Variants in LRRC28 observed in about 807,000 individuals in gnomAD.
LRRC28 encodes leucine-rich repeat-containing protein 28.
LRRC28 carries 39 observed loss-of-function variants against 45.7 expected under a neutral mutation model. The ratio of observed to expected loss-of-function variants is 0.85; its 90% CI spans 0.66 to 1.12. LRRC28 has a LOEUF of 1.12. Among genes scored for constraint, LRRC28 ranks in the 50% most tolerant of loss-of-function variants. The pLI, the probability that LRRC28 is intolerant of heterozygous loss-of-function variation, is 0.00. For missense variants in LRRC28, 435 were observed against 438.5 expected (o/e 0.99, Z 0.07); for synonymous variants, 206 against 178.8 (o/e 1.15, Z -1.22).
chr15:99,282,901 T>A (rs1333455603), intron 3 of LRRC28, among the ~76,000 whole-genome samples: 1 of 151,504 alleles, frequency 6.6e-6, no homozygotes, highest in African/African-American at 2.4e-5. Context: ...AATTAAAAAT[T>A]TTTTTTTTTG....
chr15:99,281,639 C>T (rs1236836609), intron 3 of LRRC28, among the ~76,000 whole-genome samples: 1 of 152,130 alleles, frequency 6.6e-6, no homozygotes, highest in Non-Finnish European at 1.5e-5. Flanking sequence ...ATGTCTAATA[C>T]TTTTTGATTG....
At chr15:99,253,550 G>GA (rs2080928389) in intron 1 of LRRC28, among the ~76,000 whole-genome samples, 1 of 152,258 alleles carries the variant, frequency 6.6e-6, no homozygotes, top group African/African-American at 2.4e-5. Context: ...AGCTTGGTGA[G>GA]AAGCCAAGCA....
chr15:99,268,236 C>G (rs893346800), intron 2 of LRRC28, among the ~76,000 whole-genome samples: 4 of 152,134 alleles, frequency 2.6e-5, no homozygotes, highest in Non-Finnish European at 4.4e-5. Flanking sequence ...AAGTCTGTGT[C>G]TGAGTTTTCC....
intron 3 of LRRC28, among the ~76,000 whole-genome samples, chr15:99,282,227 C>T (rs750975166): frequency 1.5e-4 from 18 of 116,318 alleles, no homozygotes; most frequent in Non-Finnish European, 2.6e-4. Context: ...AACTTTACCC[C>T]ACAACTTCCA....
Position 99,361,504 on chromosome 15 carries a change from G to A in LRRC28, c.864G>A (p.Leu288=). 6.3e-7 allele frequency: 1 copy of A among 1,597,366 alleles called. No individual in the cohort carries two copies. The highest frequency in any genetic ancestry group is 8.5e-7 in the Non-Finnish European group (1 of 1,173,484). The change falls in exon 8 of 10, where the codon TTG becomes TTA. Residue 288 remains leucine (L), a synonymous_variant. Coordinates refer to ENST00000301981, the MANE Select transcript of LRRC28 (RefSeq NM_144598.5). ...GGCTGTATCATACCTACCACAGCTT[G>A]CTGAAAGGTACGTGGGACTTCTGGT... The part of the protein sequence containing the change: ...MRGLYHTYHS[L]LKDLNFLSPI...
intron 9 of LRRC28, among the ~76,000 whole-genome samples, chr15:99,367,557 A>T (rs1957373990): frequency 6.6e-6 from 1 of 152,120 alleles, no homozygotes; most frequent in African/African-American, 2.4e-5. Flanking sequence ...ATCACCTCTT[A>T]AAGGCCTTAC....
intron 5 of LRRC28, among the ~76,000 whole-genome samples, chr15:99,290,388 C>T (rs1000611382): frequency 4.6e-5 from 7 of 152,034 alleles, no homozygotes; most frequent in Non-Finnish European, 7.4e-5. Context: ...ATTTTTGACA[C>T]AATACAGGAA....
At chr15:99,291,426 G>T (rs1405052239) in intron 5 of LRRC28, among the ~76,000 whole-genome samples, 4 of 152,144 alleles carry the variant, frequency 2.6e-5, no homozygotes, top group Non-Finnish European at 5.9e-5. Context: ...CATCTCATGA[G>T]GTGATTTCAG....
chr15:99,341,358 C>T (rs1956506480), intron 6 of LRRC28, among the ~76,000 whole-genome samples: 1 of 152,124 alleles, frequency 6.6e-6, no homozygotes, highest in Non-Finnish European at 1.5e-5. Context: ...TCCCAAAGTG[C>T]TGGGATTACA....
chr15:99,352,657 G>A, intron 7 of LRRC28, 186 bp downstream of exon 7: 1 of 531,848 alleles, frequency 1.9e-6, no homozygotes, highest in South Asian at 2.9e-5. Flanking sequence ...CTAGTCTAAA[G>A]AAAAATGAAT....
chr15:99,281,701 C>CT (rs1374104461), intron 3 of LRRC28, among the ~76,000 whole-genome samples: 1 of 151,964 alleles, frequency 6.6e-6, no homozygotes, highest in Non-Finnish European at 1.5e-5. Context: ...TATTGTGTCC[C>CT]TTTTTTCTGG....
chr15:99,347,364 A>C (rs1410208175), intron 6 of LRRC28, among the ~76,000 whole-genome samples: 1 of 152,120 alleles, frequency 6.6e-6, no homozygotes, highest in Non-Finnish European at 1.5e-5. Context: ...TGCCCGCACC[A>C]TGCCTGGCTA....
At chr15:99,256,276 T>A in intron 2 of LRRC28, 151 bp downstream of exon 2, 1 of 571,566 alleles carries the variant, frequency 1.7e-6, no homozygotes. Flanking sequence ...GGGTTTCTCA[T>A]TGGCTATGAA....
chr15:99,367,788 C>G (rs955988047), intron 9 of LRRC28, among the ~76,000 whole-genome samples: 4 of 152,258 alleles, frequency 2.6e-5, no homozygotes, highest in African/African-American at 9.6e-5. Flanking sequence ...AAACCCAGTC[C>G]TTTGGGCTTT....
intron 6 of LRRC28, among the ~76,000 whole-genome samples, chr15:99,335,686 C>T (rs1156951497): frequency 6.6e-6 from 1 of 151,610 alleles, no homozygotes; most frequent in Non-Finnish European, 1.5e-5. Context: ...TTTTTTTACC[C>T]CCCTCACATT....
intron 5 of LRRC28, among the ~76,000 whole-genome samples, chr15:99,326,233 A>T (rs528303631): frequency 6.6e-6 from 1 of 152,218 alleles, no homozygotes; most frequent in Non-Finnish European, 1.5e-5. Flanking sequence ...AATAAAAAAA[A>T]TGATTAAAAG....
At chr15:99,368,049 C>T (rs938100722) in intron 9 of LRRC28, among the ~76,000 whole-genome samples, 2 of 152,096 alleles carry the variant, frequency 1.3e-5, no homozygotes, top group Non-Finnish European at 2.9e-5. Flanking sequence ...GTTTTAGGAG[C>T]CATATGTCAG....
At chr15:99,282,191 T>TTTTTTTTTTTTTTTTTTTTTTTTG (rs1327794715) in intron 3 of LRRC28, among the ~76,000 whole-genome samples, 2 of 138,384 alleles carry the variant, frequency 1.4e-5, no homozygotes, top group African/African-American at 2.6e-5. Context: ...TTTTTTTTTT[T>TTTTTTTTTTTTTTTTTTTTTTTTG]GTAGCAGTAG....
intron 6 of LRRC28, among the ~76,000 whole-genome samples, chr15:99,335,930 G>C (rs1053254405): frequency 2.6e-5 from 4 of 152,146 alleles, no homozygotes; most frequent in Non-Finnish European, 5.9e-5. Context: ...CCAGAGTTCA[G>C]AGTAAAGTTG....
Sources: gnomAD v4.1 joint callset for allele counts (sites outside exome capture counted in the v4.1 genomes callset) on GRCh38, gnomAD v4.1.1 for gene constraint, MANE v1.5 for transcripts, NCBI Gene and HGNC (gene_info 2026-07-23, HGNC 2026-07-21) for gene names.